Variants in SLIT1 observed in about 807,000 individuals in gnomAD.
SLIT1 encodes the protein slit guidance ligand 1.
A neutral mutation model predicts 186.1 loss-of-function variants in SLIT1; 66 were observed. The observed-to-expected ratio is 0.35, with a 90% confidence interval of 0.29 to 0.44. The LOEUF (loss-of-function observed/expected upper bound fraction) is 0.44. SLIT1 is among the 20% of genes least tolerant of loss of function. SLIT1 has a pLI of 1.00. For missense variants in SLIT1, 1,638 were observed against 2,037.4 expected (o/e 0.80, Z 3.77); for synonymous variants, 761 against 833.8 (o/e 0.91, Z 1.50).
rs74152128 is a variant in SLIT1 at position 97,068,127 on chromosome 10, C to T, written c.414-2041G>A. ...TGGCCCACATCAGCCACTCGCCAAGCATTTGTTGAATGAATGAATGAATGA... is the reference window on the plus strand; with the variant it reads ...TGGCCCACATCAGCCACTCGCCAAGTATTTGTTGAATGAATGAATGAATGA... On this transcript the variant is annotated intron_variant, in intron 4 of 36. Coordinates refer to ENST00000266058, the MANE Select transcript of SLIT1 (RefSeq NM_003061.3). This position sits in a 1 kb window ranked among gnomAD's most constrained non-coding sequence, Gnocchi z 4.2. Among the ~76,000 whole-genome samples, 10,478 of 152,058 alleles carry T rather than the reference C, an allele frequency of 0.069. 1,159 individuals are homozygous for T. Among genetic ancestry groups the T allele is most frequent in the African/African-American group, 0.23 (9,587 of 41,328 alleles).
chr10:97,073,049 T>C (rs1158123645), intron 4 of SLIT1, among the ~76,000 whole-genome samples: 1 of 152,222 alleles, frequency 6.6e-6, no homozygotes, highest in Admixed American at 6.5e-5. Context: ...GCCAGAAGCC[T>C]TCCCTGGACC....
chr10:97,070,118 A>G (rs1848988101), intron 4 of SLIT1, among the ~76,000 whole-genome samples: 1 of 152,212 alleles, frequency 6.6e-6, no homozygotes, highest in Admixed American at 6.5e-5. Flanking sequence ...CTCCAGCCCC[A>G]GCCAAGCCTT....
At chr10:97,123,890 G>A (rs916258448) in intron 4 of SLIT1, among the ~76,000 whole-genome samples, 3 of 151,912 alleles carry the variant, frequency 2.0e-5, no homozygotes, top group Non-Finnish European at 4.4e-5. Context: ...AAGGGTCCAC[G>A]GCAAAGCCAC....
chr10:97,166,581 A>AAGAG (rs1564692788), intron 1 of SLIT1, among the ~76,000 whole-genome samples: 3 of 54,356 alleles, frequency 5.5e-5, no homozygotes, highest in African/African-American at 1.5e-4. Context: ...GAAAGAAAGA[A>AAGAG]AGAAAGAAAG....
chr10:97,017,619 A>G (rs1332803180), intron 28 of SLIT1, among the ~76,000 whole-genome samples: 1 of 152,134 alleles, frequency 6.6e-6, no homozygotes, highest in East Asian at 1.9e-4. Context: ...ATCCCCTCCC[A>G]CAGTGCCCAG....
chr10:97,081,504 T>A (rs1849104932), intron 4 of SLIT1, among the ~76,000 whole-genome samples: 1 of 152,078 alleles, frequency 6.6e-6, no homozygotes, highest in African/African-American at 2.4e-5. Context: ...CTTCCACACC[T>A]CAGTCTTCTA....
At chr10:97,057,141 G>T in intron 12 of SLIT1, 69 bp downstream of exon 12, 1 of 1,282,688 alleles carries the variant, frequency 7.8e-7, no homozygotes. Context: ...TAAAGGGACA[G>T]TCTAGCAGGC....
In SLIT1 at chr10:97,011,250, T is replaced by C. The variant is rs569263493; in HGVS notation, c.3204-120A>G. On this transcript the variant is annotated intron_variant, in intron 30 of 36. Coordinates refer to ENST00000266058, the MANE Select transcript of SLIT1 (RefSeq NM_003061.3). ...ATGTGAGGGAGAACCTCAAGTTCCA[T>C]TGAGGCTGTGGGGATCTCCAGGAGG... 1.7e-4 allele frequency: 119 copies of C among 716,616 alleles called. 1 individual carries two copies. The South Asian group carries it at 1.7e-3, about 11-fold the overall frequency. The allele number at this position is 716,616 out of a possible 1,614,324, so 44.4% of individuals were successfully genotyped here.
Position 97,056,374 on chromosome 10 carries a change from CTTG to C in SLIT1, c.1245_1247del (p.Asn415del). 6.2e-7 allele frequency: 1 copy of C among 1,614,186 alleles called. No individual in the cohort carries two copies. Among genetic ancestry groups the C allele is most frequent in the Non-Finnish European group, 8.5e-7 (1 of 1,180,034 alleles). ...AAGTGCCCTTGGCGAGGCTCTGGAT[CTTG>C]TTGTCATACAGGGAGAGCAGTGAGA... is the stretch of plus-strand genomic sequence containing the variant. On this transcript the variant is annotated inframe_deletion, in exon 13 of 37. Coordinates refer to ENST00000266058, the MANE Select transcript of SLIT1 (RefSeq NM_003061.3).
intron 4 of SLIT1, among the ~76,000 whole-genome samples, chr10:97,122,514 C>A (rs1372441835): frequency 6.6e-6 from 1 of 152,152 alleles, no homozygotes; most frequent in Non-Finnish European, 1.5e-5. Flanking sequence ...GGTGTTTCAG[C>A]TGAGACCCGG....
intron 4 of SLIT1, among the ~76,000 whole-genome samples, chr10:97,098,870 C>A (rs1041470530): frequency 4.6e-5 from 7 of 152,178 alleles, no homozygotes; most frequent in Admixed American, 4.6e-4. Context: ...GCATGGAGGG[C>A]AGGAGTATCA....
intron 21 of SLIT1, 59 bp from the exon 22 acceptor site, chr10:97,037,825 T>G: frequency 7.0e-6 from 10 of 1,438,294 alleles, no homozygotes; most frequent in Non-Finnish European, 9.7e-6. Context: ...TGCCCCATGC[T>G]GGGGACAGCC....
chr10:97,109,011 G>A (rs1589397202), intron 4 of SLIT1, among the ~76,000 whole-genome samples: 4 of 150,472 alleles, frequency 2.7e-5, no homozygotes, highest in South Asian at 2.1e-4. Context: ...CTTGAGCTTC[G>A]GTTTCCTCAT....
At chr10:97,130,793 G>A (rs1460273543) in intron 4 of SLIT1, among the ~76,000 whole-genome samples, 1 of 152,156 alleles carries the variant, frequency 6.6e-6, no homozygotes, top group African/African-American at 2.4e-5. Context: ...AGAACATCAC[G>A]AGGCGCATAA....
intron 26 of SLIT1, among the ~76,000 whole-genome samples, chr10:97,020,228 C>T (rs1848490536): frequency 6.6e-6 from 1 of 152,098 alleles, no homozygotes; most frequent in Non-Finnish European, 1.5e-5. Flanking sequence ...CCACCTCAAC[C>T]TCCTAGAGTG....
intron 5 of SLIT1, chr10:97,065,504 C>T (rs1848936735): frequency 6.3e-6 from 1 of 158,590 alleles, no homozygotes; most frequent in Non-Finnish European, 1.4e-5. Flanking sequence ...TAAGCCATTA[C>T]ATTTAAATAG....
chr10:97,013,401 C>G (rs554483616), intron 30 of SLIT1, among the ~76,000 whole-genome samples: 7 of 152,116 alleles, frequency 4.6e-5, no homozygotes, highest in African/African-American at 1.4e-4. Context: ...GATGCCAGAC[C>G]GGGAGCTAAG....
intron 4 of SLIT1, among the ~76,000 whole-genome samples, chr10:97,097,325 C>T (rs1303780314): frequency 6.6e-6 from 1 of 152,226 alleles, no homozygotes; most frequent in Non-Finnish European, 1.5e-5. Flanking sequence ...CATGGGAATG[C>T]ATCTGGCTCA....
At chr10:97,139,084 C>T (rs2134701298) in intron 4 of SLIT1, among the ~76,000 whole-genome samples, 1 of 152,332 alleles carries the variant, frequency 6.6e-6, no homozygotes, top group Admixed American at 6.5e-5. Flanking sequence ...TGCATCCATG[C>T]ATCCGGAGAG....
Sources: gnomAD v4.1 joint callset for allele counts (sites outside exome capture counted in the v4.1 genomes callset) on GRCh38, gnomAD v4.1.1 for gene constraint, Gnocchi (gnomAD v3.1) non-coding constraint, MANE v1.5 for transcripts, NCBI Gene and HGNC (gene_info 2026-07-23, HGNC 2026-07-21) for gene names.